VAV2: variants seen among roughly 807,000 people sequenced by gnomAD.
The protein encoded by VAV2 is guanine nucleotide exchange factor VAV2.
A neutral mutation model predicts 132.5 loss-of-function variants in VAV2; 67 were observed. That is an observed-to-expected ratio of 0.51 (90% confidence interval 0.42 to 0.62). VAV2 has a LOEUF of 0.62. Ranked by LOEUF, VAV2 falls within the 20% of genes least tolerant of loss-of-function variation. The pLI is 0.00. For missense variants in VAV2, 938 were observed against 1,153.6 expected (o/e 0.81, Z 2.71); for synonymous variants, 492 against 443.5 (o/e 1.11, Z -1.37).
intron 2 of VAV2, among the ~76,000 whole-genome samples, chr9:133,934,933 G>T (rs931687523): frequency 2.0e-5 from 3 of 152,208 alleles, no homozygotes; most frequent in Non-Finnish European, 4.4e-5. Context: ...TGCTGTGAAT[G>T]TAAGTAGGAG....
At chr9:133,976,188 A>G (rs1159444228) in intron 1 of VAV2, among the ~76,000 whole-genome samples, 2 of 152,054 alleles carry the variant, frequency 1.3e-5, no homozygotes, top group Non-Finnish European at 2.9e-5. Context: ...ACTGGGTGAC[A>G]GAGCGAGATT....
rs781688097 is a variant in VAV2, at chr9:133,777,434, C to A, written c.1920G>T (p.Gly640=). 2 of 1,613,752 alleles carry A rather than the reference C, an allele frequency of 1.2e-6. No homozygotes were observed. Among genetic ancestry groups the A allele is most frequent in the Admixed American group, 1.7e-5 (1 of 60,022 alleles). Residue 640 remains glycine (G), a synonymous_variant, in exon 23 of 30, where the codon GGG becomes GGT. Transcript: ENST00000371850. The part of the protein sequence containing the change: ...EGRLVQTRKS[G]YFPSSSVKPC... The stretch of plus-strand genomic sequence containing the variant: ...GCTTCACAGATGAGCTGGGGAAATA[C>A]CCTGACTTCCTGGTTTGTACCAGAC...
chr9:133,837,843 G>A (rs577647414), intron 3 of VAV2, among the ~76,000 whole-genome samples: 2 of 152,166 alleles, frequency 1.3e-5, no homozygotes, highest in Non-Finnish European at 2.9e-5. Flanking sequence ...CAACCCAGAG[G>A]AGATAAAGCA....
chr9:133,797,564 A>C, intron 10 of VAV2, 146 bp downstream of exon 10: 1 of 739,356 alleles, frequency 1.4e-6, no homozygotes, highest in Non-Finnish European at 2.2e-6. Context: ...TGCAAAAAAG[A>C]AAAATCTACA....
chr9:133,934,587 C>A (rs528703344), intron 2 of VAV2, among the ~76,000 whole-genome samples: 1 of 152,354 alleles, frequency 6.6e-6, no homozygotes. Context: ...GACTCTTGGT[C>A]TCCTGCCCCC....
At chr9:133,892,090 A>C in intron 2 of VAV2, among the ~76,000 whole-genome samples, 1 of 98,978 alleles carries the variant, frequency 1.0e-5, no homozygotes. Context: ...AGGAGGGGGA[A>C]GGAGAGGGAT....
chr9:133,854,843 T>A (rs1017660921), intron 3 of VAV2, among the ~76,000 whole-genome samples: 1 of 152,208 alleles, frequency 6.6e-6, no homozygotes, highest in African/African-American at 2.4e-5. Context: ...GGGACTCACA[T>A]GTCATCCTGT....
At chr9:133,831,954 C>T (rs752790144) in intron 4 of VAV2, among the ~76,000 whole-genome samples, 1 of 152,188 alleles carries the variant, frequency 6.6e-6, no homozygotes, top group African/African-American at 2.4e-5. Context: ...ACAGAACAGA[C>T]CTCACAGAGC....
At chr9:133,958,710 C>G (rs2132214368) in intron 1 of VAV2, among the ~76,000 whole-genome samples, 1 of 152,346 alleles carries the variant, frequency 6.6e-6, no homozygotes, top group South Asian at 2.1e-4. Context: ...CGAGAAACAC[C>G]CACAGGTGTG....
chr9:133,808,636 G>A (rs1433166847), intron 7 of VAV2, among the ~76,000 whole-genome samples: 1 of 152,198 alleles, frequency 6.6e-6, no homozygotes, highest in Non-Finnish European at 1.5e-5. Context: ...GACACTCCCA[G>A]CCCCCCATGG....
At position 133,798,171 on chromosome 9, in the gene VAV2, AAGAAGACCCCAGGAG is replaced by A. The variant is rs780601265; in HGVS notation, c.837-377_837-363del. On this transcript the variant is annotated intron_variant, in intron 9 of 29. Coordinates refer to ENST00000371850, the MANE Select transcript of VAV2 (RefSeq NM_001134398.2). ...AGAAGCCCCTGACATCCCCCCAGGA[AAGAAGACCCCAGGAG>A]GGCTCAGAATCTTGCCCCCAGGCCC... Among the ~76,000 whole-genome samples the A allele has an allele frequency of 3.4e-3, 513 of 152,118 alleles. 1 individual carries two copies. Among genetic ancestry groups the A allele is most frequent in the Non-Finnish European group, 5.6e-3 (382 of 67,862 alleles).
rs76660681 is a variant in VAV2, at chr9:133,791,754, C to T, written c.1188+29G>A. 2.4e-3 allele frequency: 3,817 copies of T among 1,598,688 alleles called. 75 individuals carry two copies. The African/African-American group carries it at 0.045, about 19-fold the overall frequency. On this transcript the variant is annotated intron_variant, in intron 13 of 29. Coordinates refer to ENST00000371850, the MANE Select transcript of VAV2 (RefSeq NM_001134398.2). ...TTATAGGTACGTCCTCATCGACCTT[C>T]CCTAGCCTGAAGAGTCAGTCTCACT...
At position 133,829,151 on chromosome 9, in the gene VAV2, A is replaced by G. The variant is rs531635041; in HGVS notation, c.449+5121T>C. ...CGAAAAGGGAAGCGCAGTGCCTGCC[A>G]AGGAAAAGCCATTATGCAAATGCAA... is the stretch of plus-strand genomic sequence containing the variant. On this transcript the variant is annotated intron_variant, in intron 4 of 29. Coordinates refer to ENST00000371850, the MANE Select transcript of VAV2 (RefSeq NM_001134398.2). 3.3e-5 allele frequency among the ~76,000 whole-genome samples: 5 copies of G among 152,390 alleles called. No homozygotes were observed. The South Asian group carries it at 8.3e-4, about 25-fold the overall frequency.
At chr9:133,786,398 G>A (rs1834227141) in intron 16 of VAV2, among the ~76,000 whole-genome samples, 2 of 152,296 alleles carry the variant, frequency 1.3e-5, no homozygotes, top group South Asian at 4.2e-4. Context: ...TCTCCTGTGG[G>A]TGCACACACA....
intron 26 of VAV2, among the ~76,000 whole-genome samples, 191 bp downstream of exon 26, chr9:133,771,768 A>G (rs1833635766): frequency 6.6e-6 from 1 of 152,202 alleles, no homozygotes; most frequent in East Asian, 1.9e-4. Context: ...TTTGGGGGTC[A>G]GAAGTCCCAA....
At chr9:133,917,302 G>A (rs187162392) in intron 2 of VAV2, among the ~76,000 whole-genome samples, 1 of 152,326 alleles carries the variant, frequency 6.6e-6, no homozygotes, top group East Asian at 1.9e-4. Context: ...CAATGGTGGA[G>A]CCCAATGGAT....
In VAV2 at chr9:133,937,525, AGAGT is replaced by A. The variant is rs200617657; in HGVS notation, c.321+1574_321+1577del. On this transcript the variant is annotated intron_variant, in intron 2 of 29. Transcript: ENST00000371850. ...GCGTGTGAGTGTGTGTGCGCGTGTG[AGAGT>A]GTGTGTGAGAGTGTGTGTGTGTGTG... is the stretch of plus-strand genomic sequence containing the variant. Among the ~76,000 whole-genome samples the A allele has an allele frequency of 9.7e-3, 1,169 of 120,770 alleles. 11 individuals are homozygous for A. The highest frequency in any genetic ancestry group is 0.028 in the African/African-American group (1,021 of 36,400). 79.2% of individuals were successfully genotyped at this position (120,770 alleles called of 152,430 possible). A position where few individuals can be genotyped will look rare whatever the true frequency, so the allele number is the denominator to read the frequency against.
chr9:133,842,092 G>A (rs559057111), intron 3 of VAV2, among the ~76,000 whole-genome samples: 17 of 152,342 alleles, frequency 1.1e-4, no homozygotes, highest in Admixed American at 1.0e-3. Flanking sequence ...AGGTACTGAC[G>A]ATTGCAGAAG....
Position 133,785,708 on chromosome 9 carries a change from C to T in VAV2, c.1532+68G>A, listed in dbSNP as rs1047774969. 4 of 1,474,072 alleles carry T rather than the reference C, an allele frequency of 2.7e-6. No individual in the cohort carries two copies. In the African/African-American group the frequency reaches 4.2e-5, roughly 15 times the overall value. 91.3% of individuals were successfully genotyped at this position (1,474,072 alleles called of 1,614,324 possible). On this transcript the variant is annotated intron_variant, in intron 17 of 29. Transcript: ENST00000371850. ...TCTGAGAGGAACCACAGACACAATC[C>T]ACCTGGGCTTCCACCCCCCATACAA...
Sources: gnomAD v4.1 joint callset for allele counts (sites outside exome capture counted in the v4.1 genomes callset) on GRCh38, gnomAD v4.1.1 for gene constraint, MANE v1.5 for transcripts, NCBI Gene and HGNC (gene_info 2026-07-23, HGNC 2026-07-21) for gene names.